The following CPNE8 variants were observed in gnomAD, a reference collection of about 807,000 sequenced individuals.
CPNE8 encodes copine-8.
In CPNE8, 45 loss-of-function variants were observed where a neutral mutation model predicts 81.5. The ratio of observed to expected loss-of-function variants is 0.55; its 90% CI spans 0.44 to 0.71. The LOEUF (loss-of-function observed/expected upper bound fraction) is 0.71, where lower values mean the gene tolerates loss of function less well. Among genes scored for constraint, CPNE8 ranks in the 30% least tolerant of loss-of-function variants. The probability of loss-of-function intolerance (pLI) is 0.00; values close to 1 mark genes in which losing one functional copy is unlikely to be tolerated. For synonymous variants in CPNE8, 252 were observed against 226.3 expected (o/e 1.11, Z -1.02); for missense variants, 594 against 672.1 (o/e 0.88, Z 1.28).
At chr12:38,851,893 G>A (rs941901436) in intron 3 of CPNE8, among the ~76,000 whole-genome samples, 1 of 152,018 alleles carries the variant, frequency 6.6e-6, no homozygotes, top group African/African-American at 2.4e-5. Flanking sequence ...CTTCTTGTAG[G>A]CCCTTTTACA....
At chr12:38,744,306 T>G (rs1344960806) in intron 10 of CPNE8, among the ~76,000 whole-genome samples, 1 of 152,228 alleles carries the variant, frequency 6.6e-6, no homozygotes, top group Non-Finnish European at 1.5e-5. Context: ...CAGTATTGTC[T>G]GGATTGTAAC....
chr12:38,902,444 GAGAA>G (rs944493220), intron 1 of CPNE8, among the ~76,000 whole-genome samples: 3 of 147,566 alleles, frequency 2.0e-5, no homozygotes, highest in East Asian at 4.2e-4. Flanking sequence ...AAAGGAGAGA[GAGAA>G]AGAAAGATAA....
chr12:38,704,215 C>G (rs1177243724), intron 13 of CPNE8, among the ~76,000 whole-genome samples: 3 of 152,202 alleles, frequency 2.0e-5, no homozygotes, highest in African/African-American at 7.2e-5. Flanking sequence ...CACAATATAT[C>G]CAGGTAACAA....
intron 6 of CPNE8, among the ~76,000 whole-genome samples, chr12:38,816,453 C>T (rs1453961167): frequency 6.6e-6 from 1 of 152,144 alleles, no homozygotes; most frequent in Non-Finnish European, 1.5e-5. Context: ...ATCCAGCATG[C>T]TGTGGACTCC....
At chr12:38,672,373 A>C (rs1946298196) in intron 18 of CPNE8, among the ~76,000 whole-genome samples, 1 of 152,228 alleles carries the variant, frequency 6.6e-6, no homozygotes, top group East Asian at 1.9e-4. Context: ...CACTGTAGAC[A>C]GCAAGAAGTG....
At chr12:38,828,474 T>G (rs1463975160) in intron 6 of CPNE8, among the ~76,000 whole-genome samples, 1 of 152,212 alleles carries the variant, frequency 6.6e-6, no homozygotes, top group Non-Finnish European at 1.5e-5. Context: ...CCTAATAATT[T>G]CTTGCATAGC....
chr12:38,788,026 C>A (rs1942236461), intron 6 of CPNE8, among the ~76,000 whole-genome samples: 1 of 144,576 alleles, frequency 6.9e-6, no homozygotes. Context: ...ATAAATTCCA[C>A]CAAACACTTA....
At chr12:38,746,720 G>A (rs1941233653) in intron 10 of CPNE8, among the ~76,000 whole-genome samples, 1 of 152,166 alleles carries the variant, frequency 6.6e-6, no homozygotes, top group East Asian at 1.9e-4. Context: ...ACAGGAACTT[G>A]AATCAAAATC....
In CPNE8 at chr12:38,674,530, T is replaced by A. The variant is rs185989544; in HGVS notation, c.1432+1187A>T. On this transcript the variant is annotated intron_variant, in intron 18 of 19. Transcript: ENST00000331366. ...CAAAGCATGGAGAGGAAAGATGTCTTAGCCTTCCTGTCTCCAGAGAGGTAT... is the reference window on the plus strand; with the variant it reads ...CAAAGCATGGAGAGGAAAGATGTCTAAGCCTTCCTGTCTCCAGAGAGGTAT... Among the ~76,000 whole-genome samples, 489 of 152,270 alleles carry A rather than the reference T, an allele frequency of 3.2e-3. 2 individuals are homozygous for A. The highest frequency in any genetic ancestry group is 0.011 in the African/African-American group (468 of 41,564).
In CPNE8 at chr12:38,800,801, G is replaced by A. The variant is rs1480238076; in HGVS notation, c.408-24500C>T. On this transcript the variant is annotated intron_variant, in intron 6 of 19. Transcript: ENST00000331366. ...GTATAACTAGAATAACCAATACAGAGAAGTGCTTAAAGGAGCTGATGGAGC... is the reference window on the plus strand; with the variant it reads ...GTATAACTAGAATAACCAATACAGAAAAGTGCTTAAAGGAGCTGATGGAGC... Among the ~76,000 whole-genome samples the A allele has an allele frequency of 7.5e-3, 219 of 29,316 alleles. 1 individual carries two copies. The highest frequency in any genetic ancestry group is 0.028 in the African/African-American group (211 of 7,598). 19.2% of individuals were successfully genotyped at this position (29,316 alleles called of 152,430 possible).
intron 17 of CPNE8, 85 bp downstream of exon 17, chr12:38,677,367 T>C: frequency 1.3e-6 from 1 of 745,996 alleles, no homozygotes; most frequent in Middle Eastern, 2.4e-4. Flanking sequence ...TTTATTTTAT[T>C]GTTAACTAGA....
At chr12:38,727,343 T>C (rs893085486) in intron 11 of CPNE8, among the ~76,000 whole-genome samples, 1 of 152,176 alleles carries the variant, frequency 6.6e-6, no homozygotes, top group Non-Finnish European at 1.5e-5. Context: ...GGGGACAGAA[T>C]GGGTATAAAG....
At chr12:38,799,662 G>T (rs191151685) in intron 6 of CPNE8, among the ~76,000 whole-genome samples, 35 of 152,072 alleles carry the variant, frequency 2.3e-4, no homozygotes, top group Non-Finnish European at 4.6e-4. Flanking sequence ...AGTCAAGATG[G>T]CCGAATAGGA....
chr12:38,839,753 C>T (rs1943438999), intron 5 of CPNE8, among the ~76,000 whole-genome samples, 163 bp downstream of exon 5: 1 of 152,034 alleles, frequency 6.6e-6, no homozygotes, highest in Non-Finnish European at 1.5e-5. Context: ...TAATAAGCTC[C>T]TCCAAAATGT....
intron 19 of CPNE8, among the ~76,000 whole-genome samples, chr12:38,659,643 G>T (rs1038220102): frequency 2.0e-5 from 3 of 152,148 alleles, no homozygotes; most frequent in Non-Finnish European, 4.4e-5. Context: ...CCACAGAGTT[G>T]GAAGTAAAGC....
intron 10 of CPNE8, among the ~76,000 whole-genome samples, chr12:38,755,959 G>C: frequency 6.8e-6 from 1 of 147,292 alleles, no homozygotes; most frequent in Non-Finnish European, 1.5e-5. Context: ...AGAATGACGT[G>C]AACCCAGGAG....
chr12:38,777,124 C>T (rs1941953779), intron 6 of CPNE8, among the ~76,000 whole-genome samples: 1 of 151,656 alleles, frequency 6.6e-6, no homozygotes, highest in Non-Finnish European at 1.5e-5. Context: ...ACAACAGCTC[C>T]ATGCATGGTA....
chr12:38,796,762 C>G (rs1477524039), intron 6 of CPNE8, among the ~76,000 whole-genome samples: 1 of 152,126 alleles, frequency 6.6e-6, no homozygotes, highest in African/African-American at 2.4e-5. Flanking sequence ...ACTCGGGAAG[C>G]TCAAGTGGTC....
intron 6 of CPNE8, among the ~76,000 whole-genome samples, chr12:38,793,953 G>A (rs1412374977): frequency 6.6e-6 from 1 of 152,044 alleles, no homozygotes; most frequent in Non-Finnish European, 1.5e-5. Flanking sequence ...AGAATTCCAA[G>A]ACTTCTTAAT....
Sources: allele counts gnomAD v4.1 joint callset (sites outside exome capture counted in the v4.1 genomes callset), GRCh38; gene constraint gnomAD v4.1.1; transcripts MANE v1.5; gene names NCBI Gene and HGNC (gene_info 2026-07-23, HGNC 2026-07-21).